The following AKAP17A variants were observed in gnomAD, a reference collection of about 807,000 sequenced individuals.
AKAP17A encodes A-kinase anchor protein 17A.
In AKAP17A, 15 loss-of-function variants were observed where a neutral mutation model predicts 52.2. The ratio of observed to expected loss-of-function variants is 0.29; its 90% confidence interval spans 0.19 to 0.44. The LOEUF is 0.44. AKAP17A is among the 20% of genes least tolerant of loss of function. The probability of loss-of-function intolerance (pLI) is 1.00; values close to 1 mark genes in which losing one functional copy is unlikely to be tolerated. For missense variants in AKAP17A, 1,060 were observed against 1,007.0 expected (o/e 1.05, Z -0.71); for synonymous variants, 514 against 424.7 (o/e 1.21, Z -2.58).
At chrX:1,597,946 C>G (rs1215060542) in intron 3 of AKAP17A, among the ~76,000 whole-genome samples, 6 of 152,122 alleles carry the variant, frequency 3.9e-5, no homozygotes, top group African/African-American at 1.4e-4. Flanking sequence ...CCGTACTTGT[C>G]CCCGCTGTCC....
At chrX:1,600,083 G>A in intron 4 of AKAP17A, 4 of 1,097,734 alleles carry the variant, frequency 3.6e-6, no homozygotes, top group South Asian at 2.6e-5. Flanking sequence ...CAGGAGGGCT[G>A]CGTCCCCCTG....
At chrX:1,597,507 A>G (rs28394469) in intron 3 of AKAP17A, among the ~76,000 whole-genome samples, 123,824 of 152,000 alleles carry the variant, frequency 0.81, 51,098 homozygotes, top group African/African-American at 0.95. Context: ...TGTGTCAGCC[A>G]CTGTCAGGCC....
chrX:1,598,768 A>G (rs1397547707), intron 3 of AKAP17A, among the ~76,000 whole-genome samples: 13 of 152,240 alleles, frequency 8.5e-5, no homozygotes, highest in African/African-American at 3.1e-4. Flanking sequence ...CCTGCACAAC[A>G]AGGAGTCACC....
chrX:1,592,140 C>A (rs1258016682), intron 1 of AKAP17A, among the ~76,000 whole-genome samples: 1 of 151,080 alleles, frequency 6.6e-6, no homozygotes, highest in Non-Finnish European at 1.5e-5. Context: ...GCGCTGCGGT[C>A]GCTCCTAGGT....
rs1933222539 is a variant in AKAP17A, at chrX:1,599,429, C to A, written c.1149C>A (p.Ala383=). 9 of 1,561,318 alleles carry A rather than the reference C, an allele frequency of 5.8e-6. No homozygotes were observed. Among genetic ancestry groups the A allele is most frequent in the African/African-American group, 4.1e-5 (3 of 73,684 alleles). The change falls in exon 4 of 5, where the codon GCC becomes GCA. Residue 383 remains alanine (A), a synonymous_variant. Coordinates refer to ENST00000313871, the MANE Select transcript of AKAP17A (RefSeq NM_005088.3). The part of the protein sequence containing the change: ...IRLIAELLSR[A]KAVKLREQEQ... ...TCATCGCCGAGCTGCTCAGCAGAGC[C>A]AAGGTACCCGGGGGCTCCCTCTGCA...
Position 1,600,513 on chromosome X carries a change from C to A in AKAP17A, c.1153-146C>A, listed in dbSNP as rs868819437. ...TGGACCTGGCTCGCCGTAGGAGACG[C>A]CCCCCACCCCTGGGCTGGAGTCCAG... is the stretch of plus-strand genomic sequence containing the variant. On this transcript the variant is annotated intron_variant, in intron 4 of 4. Coordinates refer to ENST00000313871, the MANE Select transcript of AKAP17A (RefSeq NM_005088.3). 48 of 852,012 alleles carry A rather than the reference C, an allele frequency of 5.6e-5. No individual in the cohort carries two copies. In the Middle Eastern group the frequency reaches 1.4e-3, roughly 25 times the overall value. The allele number at this position is 852,012 out of a possible 1,614,324, so 52.8% of individuals were successfully genotyped here.
At chrX:1,598,184 G>A (rs1349274454) in intron 3 of AKAP17A, among the ~76,000 whole-genome samples, 13 of 151,692 alleles carry the variant, frequency 8.6e-5, no homozygotes, top group African/African-American at 2.2e-4. Flanking sequence ...CTCCGAGCTC[G>A]TGGGGCGGTG....
chrX:1,595,284 C>G (rs1238319779), intron 2 of AKAP17A, 100 bp from the exon 3 acceptor site: 3 of 1,536,372 alleles, frequency 2.0e-6, no homozygotes, highest in Admixed American at 3.8e-5. Context: ...GGCGCTCAGG[C>G]TCTGAGGCCA....
Position 1,601,114 on chromosome X carries a change from C to T in AKAP17A, c.1608C>T (p.Gly536=), listed in dbSNP as rs1392516033. The T allele has an allele frequency of 3.1e-6, 5 of 1,613,740 alleles. No individual in the cohort carries two copies. In the East Asian group the frequency reaches 6.7e-5, roughly 22 times the overall value. ...QSSCRVVPED[G]SPEKRCPGGV... Reference sequence around the variant, plus strand: ...CCTGTCGTGTGGTCCCCGAGGATGGCTCTCCAGAGAAGAGGTGCCCGGGCG... The same window carrying T: ...CCTGTCGTGTGGTCCCCGAGGATGGTTCTCCAGAGAAGAGGTGCCCGGGCG... Residue 536 remains glycine (G), a synonymous_variant, in exon 5 of 5, where the codon GGC becomes GGT. Transcript: ENST00000313871.
Position 1,601,147 on chromosome X carries a change from C to T in AKAP17A, c.1641C>T (p.Leu547=), listed in dbSNP as rs1247460165. 1.2e-6 allele frequency: 2 copies of T among 1,613,716 alleles called. No homozygotes were observed. The highest frequency in any genetic ancestry group is 1.7e-6 in the Non-Finnish European group (2 of 1,179,738). ...SPEKRCPGGV[L]SCIPDNNQQP... is the part of the protein sequence containing the mutation. ...AGAAGAGGTGCCCGGGCGGCGTCCTCTCCTGCATTCCTGACAACAACCAAC... is the reference window on the plus strand; with the variant it reads ...AGAAGAGGTGCCCGGGCGGCGTCCTTTCCTGCATTCCTGACAACAACCAAC... The change falls in exon 5 of 5, where the codon CTC becomes CTT. Residue 547 remains leucine (L), a synonymous_variant. Transcript: ENST00000313871.
In AKAP17A at chrX:1,601,709, G is replaced by T. The variant is rs1376239619; in HGVS notation, c.*115G>T. 9.6e-7 allele frequency: 1 copy of T among 1,037,446 alleles called. No individual in the cohort carries two copies. Among genetic ancestry groups the T allele is most frequent in the Non-Finnish European group, 1.3e-6 (1 of 786,474 alleles). 64.3% of individuals were successfully genotyped at this position (1,037,446 alleles called of 1,614,324 possible). On this transcript the variant is annotated 3_prime_UTR_variant, in exon 5 of 5. Coordinates refer to ENST00000313871, the MANE Select transcript of AKAP17A (RefSeq NM_005088.3). ...CCTGCAAAGCCAAGACCCTTCTGCAGCCACGAATGTCCACGGAGCCCGCCG... is the reference window on the plus strand; with the variant it reads ...CCTGCAAAGCCAAGACCCTTCTGCATCCACGAATGTCCACGGAGCCCGCCG...
chrX:1,592,599 G>C (rs770007459), intron 1 of AKAP17A, among the ~76,000 whole-genome samples: 3 of 152,064 alleles, frequency 2.0e-5, no homozygotes, highest in South Asian at 2.1e-4. Flanking sequence ...CTCCCACCTC[G>C]GGCTTGGGCG....
At chrX:1,600,146 A>G (rs1189611879) in intron 4 of AKAP17A, 1 of 1,302,302 alleles carries the variant, frequency 7.7e-7, no homozygotes, top group Admixed American at 2.3e-5. Flanking sequence ...AGTTGTGATA[A>G]GTCCCCGGGA....
chrX:1,595,497 G>T lies in AKAP17A; in HGVS notation c.876G>T (p.Glu292Asp), dbSNP rs774643011. The change falls in exon 3 of 5, where the codon GAG (glutamate) becomes GAT (aspartate). Residue 292 changes from glutamate to aspartate, a missense_variant. This residue lies in a region of AKAP17A where 793 missense variants were observed against 629.9 expected (regional missense o/e 1.26). Coordinates refer to ENST00000313871, the MANE Select transcript of AKAP17A (RefSeq NM_005088.3). ...AAAGAGAAGAACAAAAGCGCAGAGA[G>T]AAGGAAGCGGAGGAGAGGCAGCGAG... ...EQQREEQKRR[E>D]KEAEERQRAE... 1.2e-6 allele frequency: 2 copies of T among 1,613,994 alleles called. No individual in the cohort carries two copies. The highest frequency in any genetic ancestry group is 1.7e-6 in the Non-Finnish European group (2 of 1,179,874).
rs1415616949 is a variant in AKAP17A, at chrX:1,602,407, A to C, written c.*813A>C. ...TTGTTTTATAATCGTTTGCTTCTCC[A>C]AGTGAAGCTCAGAAATACCTAAAAA... On this transcript the variant is annotated 3_prime_UTR_variant, in exon 5 of 5. Coordinates refer to ENST00000313871, the MANE Select transcript of AKAP17A (RefSeq NM_005088.3). The C allele has an allele frequency of 6.6e-6, 1 of 152,226 alleles. No individual in the cohort carries two copies. Among genetic ancestry groups the C allele is most frequent in the Non-Finnish European group, 1.5e-5 (1 of 68,052 alleles). 9.4% of individuals were successfully genotyped at this position (152,226 alleles called of 1,614,324 possible). A position where few individuals can be genotyped will look rare whatever the true frequency, so the allele number is the denominator to read the frequency against.
Position 1,601,006 on chromosome X carries a change from G to A in AKAP17A, c.1500G>A (p.Pro500=), listed in dbSNP as rs374734815. ...CGGCCGGTGCCCCCAAGGAGAGCCC[G>A]GCCCACCCAGAGGCCGACGGCGCTC... ...QPPAGAPKES[P]AHPEADGAPK... is the part of the protein sequence containing the mutation. The change falls in exon 5 of 5, where the codon CCG becomes CCA. Residue 500 remains proline, a synonymous_variant. Coordinates refer to ENST00000313871, the MANE Select transcript of AKAP17A (RefSeq NM_005088.3). 80 of 1,607,256 alleles carry A rather than the reference G, an allele frequency of 5.0e-5. No individual in the cohort carries two copies. The highest frequency in any genetic ancestry group is 4.8e-4 in the African/African-American group (36 of 74,756).
chrX:1,600,889 C>G lies in AKAP17A; in HGVS notation c.1383C>G (p.Ala461=). The G allele has an allele frequency of 6.3e-7, 1 of 1,577,848 alleles. No homozygotes were observed. Among genetic ancestry groups the G allele is most frequent in the Non-Finnish European group, 8.6e-7 (1 of 1,166,198 alleles). The part of the protein sequence containing the change: ...HTHDELGVAH[A]DLLQPVLDIL... The stretch of plus-strand genomic sequence containing the variant: ...ACGACGAGCTGGGCGTGGCACACGC[C>G]GACCTGCTGCAGCCCGTCCTGGACA... The change falls in exon 5 of 5, where the codon GCC becomes GCG. Residue 461 remains alanine, a synonymous_variant. Transcript: ENST00000313871.
intron 2 of AKAP17A, 134 bp downstream of exon 2, chrX:1,594,358 C>A: frequency 9.4e-7 from 1 of 1,063,754 alleles, no homozygotes; most frequent in Non-Finnish European, 1.3e-6. Context: ...CAGCAACAGT[C>A]CTGTGCCTGT....
chrX:1,595,066 G>A lies in AKAP17A; in HGVS notation c.763-318G>A, dbSNP rs1425575883. Among the ~76,000 whole-genome samples the A allele has an allele frequency of 2.6e-5, 4 of 152,236 alleles. 1 individual carries two copies. Among genetic ancestry groups the A allele is most frequent in the South Asian group, 4.1e-4 (2 of 4,832 alleles). ...ACAGGGAATGGTGGAGCCGGGTAGC[G>A]GAAGGGGAGCTGTGTCTCGCAGCGG... is the stretch of plus-strand genomic sequence containing the variant. On this transcript the variant is annotated intron_variant, in intron 2 of 4. Coordinates refer to ENST00000313871, the MANE Select transcript of AKAP17A (RefSeq NM_005088.3).
Sources: gnomAD v4.1 joint callset for allele counts (sites outside exome capture counted in the v4.1 genomes callset) on GRCh38, gnomAD v4.1.1 for gene constraint, gnomAD v4.1.1 regional missense constraint, MANE v1.5 for transcripts, NCBI Gene and HGNC (gene_info 2026-07-23, HGNC 2026-07-21) for gene names.